Variants in PKHD1 observed in about 807,000 individuals in gnomAD.
PKHD1 encodes fibrocystin.
PKHD1 carries 291 observed loss-of-function variants against 412.0 expected under a neutral mutation model. That is an observed-to-expected ratio of 0.71 (90% CI 0.64 to 0.78). The LOEUF (loss-of-function observed/expected upper bound fraction) is 0.78. Among genes scored for constraint, PKHD1 ranks in the 30% least tolerant of loss-of-function variants. The pLI, the probability that PKHD1 is intolerant of heterozygous loss-of-function variation, is 0.00. For synonymous variants in PKHD1, 1,777 were observed against 1,821.5 expected, an observed-to-expected ratio of 0.98 and a Z score of 0.62; for missense variants, 4,825 against 4,950.7, an observed-to-expected ratio of 0.97 and a Z score of 0.76.
intron 35 of PKHD1, among the ~76,000 whole-genome samples, chr6:51,985,019 A>G (rs530438771): frequency 4.8e-4 from 61 of 125,880 alleles, no homozygotes; most frequent in Admixed American, 2.8e-3. Flanking sequence ...TTTTCCATAG[A>G]AAAAAAAAAC....
intron 35 of PKHD1, among the ~76,000 whole-genome samples, chr6:51,984,076 T>C (rs1043975809): frequency 6.6e-6 from 1 of 152,190 alleles, no homozygotes. Flanking sequence ...CTCTGAGTTA[T>C]GACAAAGGGG....
rs1391293548 is a variant in PKHD1 at position 52,010,406 on chromosome 6, G to A, written c.5654C>T (p.Thr1885Ile). Residue 1885 changes from threonine to isoleucine, a missense_variant, in exon 35 of 67, where the codon ACC becomes ATC. Coordinates refer to ENST00000371117, the MANE Select transcript of PKHD1 (RefSeq NM_138694.4). ...CTCCATCTCTGCCTCAGTTTCCATG[G>A]TAATGTTACAGGAGCTATTATAGAT... is the stretch of plus-strand genomic sequence containing the variant. ...VLIYNSSCNI[T>I]METEAEMECE... The A allele has an allele frequency of 3.7e-6, 6 of 1,609,382 alleles. No individual in the cohort carries two copies. The highest frequency in any genetic ancestry group is 2.2e-5 in the South Asian group (2 of 90,976).
At chr6:51,955,330 A>C (rs2127916282) in intron 36 of PKHD1, among the ~76,000 whole-genome samples, 1 of 152,192 alleles carries the variant, frequency 6.6e-6, no homozygotes, top group South Asian at 2.1e-4. Flanking sequence ...CACAGTCACA[A>C]AAGAATCTGC....
Position 51,842,816 on chromosome 6 carries a change from A to G in PKHD1, c.8107+4959T>C, listed in dbSNP as rs114162483. 2.0e-3 allele frequency among the ~76,000 whole-genome samples: 306 copies of G among 152,230 alleles called. 3 individuals carry two copies. Among genetic ancestry groups the G allele is most frequent in the African/African-American group, 7.1e-3 (295 of 41,548 alleles). On this transcript the variant is annotated intron_variant, in intron 50 of 66. Coordinates refer to ENST00000371117, the MANE Select transcript of PKHD1 (RefSeq NM_138694.4). ...CCAGCTGCCTAAGTGCTGACACAGGAGTGTGCAGAAGGCCAGGGAGGGGGC... is the reference window on the plus strand; with the variant it reads ...CCAGCTGCCTAAGTGCTGACACAGGGGTGTGCAGAAGGCCAGGGAGGGGGC...
chr6:51,816,663 G>A (rs1765507245), intron 52 of PKHD1, among the ~76,000 whole-genome samples: 2 of 152,156 alleles, frequency 1.3e-5, no homozygotes, highest in African/African-American at 2.4e-5. Flanking sequence ...AGTCAAAGGC[G>A]ACCAACTGAT....
intron 52 of PKHD1, among the ~76,000 whole-genome samples, chr6:51,802,838 T>C (rs1220325071): frequency 1.3e-5 from 2 of 151,126 alleles, no homozygotes; most frequent in African/African-American, 4.9e-5. Flanking sequence ...TCCAAAAAAC[T>C]ATGAGATTCT....
chr6:51,897,102 C>A (rs1365829193), intron 43 of PKHD1, among the ~76,000 whole-genome samples: 5 of 151,936 alleles, frequency 3.3e-5, no homozygotes, highest in African/African-American at 1.2e-4. Flanking sequence ...GGATATTATC[C>A]AGGAGAACTT....
chr6:52,020,044 T>C (rs956511), intron 33 of PKHD1, among the ~76,000 whole-genome samples: 15,209 of 152,130 alleles, frequency 0.1, 891 homozygotes, highest in Middle Eastern at 0.22. Flanking sequence ...ATCTGTAACC[T>C]GGAATGTGAA....
At chr6:51,619,682 T>C (rs1040624821) in intron 66 of PKHD1, among the ~76,000 whole-genome samples, 162 bp from the exon 67 acceptor site, 4 of 152,236 alleles carry the variant, frequency 2.6e-5, no homozygotes, top group African/African-American at 9.6e-5. Context: ...TCCAAATATG[T>C]AATAAAAAAT....
intron 52 of PKHD1, among the ~76,000 whole-genome samples, chr6:51,804,361 G>C (rs1350036811): frequency 4.6e-5 from 2 of 43,240 alleles, no homozygotes; most frequent in African/African-American, 9.1e-5. Flanking sequence ...TAATTCATTG[G>C]GGGGGGGGGG....
In PKHD1 at chr6:51,753,216, G is replaced by A. The variant is rs765020336; in HGVS notation, c.8935C>T (p.Arg2979Ter). The A allele has an allele frequency of 1.1e-5, 17 of 1,613,376 alleles. No individual in the cohort carries two copies. Among genetic ancestry groups the A allele is most frequent in the East Asian group, 2.2e-5 (1 of 44,864 alleles). ...LFVGSFRKSSREEFSGVLQLL... is the reference protein window; with the variant it reads ...LFVGSFRKSS ...TTTCATTTACCTGAAAATTCTTCTC[G>A]GCTGGACTTCCTGAAGGACCCCACA... The change falls in exon 57 of 67, where the codon CGA becomes TGA. Residue 2979 changes from arginine (R) to a stop codon, truncating the protein, a stop_gained. Coordinates refer to ENST00000371117, the MANE Select transcript of PKHD1 (RefSeq NM_138694.4). LOFTEE classifies it high-confidence loss of function.
chr6:51,861,039 C>G (rs907641831), intron 48 of PKHD1, among the ~76,000 whole-genome samples: 6 of 152,130 alleles, frequency 3.9e-5, no homozygotes, highest in Non-Finnish European at 8.8e-5. Context: ...TCTCGAACTC[C>G]TGACCTCAGG....
At chr6:51,767,384 C>G (rs1322497528) in intron 55 of PKHD1, among the ~76,000 whole-genome samples, 1 of 151,830 alleles carries the variant, frequency 6.6e-6, no homozygotes. Context: ...ATGTGCACAA[C>G]GTGCAGGTTT....
At chr6:51,936,179 G>A (rs900517145) in intron 36 of PKHD1, among the ~76,000 whole-genome samples, 2 of 152,200 alleles carry the variant, frequency 1.3e-5, no homozygotes, top group Non-Finnish European at 2.9e-5. Context: ...GTGAATGAAT[G>A]AATGGACATA....
chr6:51,722,400 A>G (rs1272942948), intron 60 of PKHD1, among the ~76,000 whole-genome samples: 13 of 152,356 alleles, frequency 8.5e-5, no homozygotes, highest in Admixed American at 8.5e-4. Flanking sequence ...GCACATTAAG[A>G]AAAAGCATGG....
chr6:51,977,459 C>T (rs1794609394), intron 35 of PKHD1, among the ~76,000 whole-genome samples: 2 of 152,212 alleles, frequency 1.3e-5, no homozygotes, highest in South Asian at 4.1e-4. Flanking sequence ...CGAGAACAGC[C>T]TTTCACCCCT....
intron 43 of PKHD1, among the ~76,000 whole-genome samples, chr6:51,895,653 C>G (rs1779792720): frequency 6.6e-6 from 1 of 152,074 alleles, no homozygotes; most frequent in African/African-American, 2.4e-5. Context: ...ACTTTAAGGT[C>G]ACCGGAGGAG....
chr6:51,634,807 G>A (rs1371681500), intron 64 of PKHD1, among the ~76,000 whole-genome samples: 2 of 152,146 alleles, frequency 1.3e-5, no homozygotes, highest in Non-Finnish European at 2.9e-5. Flanking sequence ...GGAAAGTACT[G>A]GAACTTAATG....
intron 33 of PKHD1, among the ~76,000 whole-genome samples, chr6:52,021,488 T>A (rs1277457863): frequency 6.6e-6 from 1 of 152,142 alleles, no homozygotes; most frequent in East Asian, 1.9e-4. Flanking sequence ...AAATGTGCAG[T>A]CTTAGCTTTC....
Sources: allele counts gnomAD v4.1 joint callset (sites outside exome capture counted in the v4.1 genomes callset), GRCh38; gene constraint gnomAD v4.1.1; transcripts MANE v1.5; gene names NCBI Gene and HGNC (gene_info 2026-07-23, HGNC 2026-07-21).